RDM1: variants seen among roughly 807,000 people sequenced by gnomAD.
The protein encoded by RDM1 is RAD52 motif-containing protein 1.
In RDM1, 28 loss-of-function variants were observed where a neutral mutation model predicts 27.7. The observed-to-expected ratio is 1.01, with a 90% confidence interval of 0.75 to 1.39. The LOEUF (loss-of-function observed/expected upper bound fraction) is 1.39. Among genes scored for constraint, RDM1 ranks in the 40% most tolerant of loss-of-function variants. The probability of loss-of-function intolerance (pLI) is 0.00; values close to 1 mark genes in which losing one functional copy is unlikely to be tolerated. For missense variants in RDM1, 277 were observed against 337.3 expected, an observed-to-expected ratio of 0.82 and a Z score of 1.40; for synonymous variants, 124 against 127.5, an observed-to-expected ratio of 0.97 and a Z score of 0.19.
At chr17:35,928,939 G>A (rs1263178834) in intron 2 of RDM1, among the ~76,000 whole-genome samples, 1 of 151,874 alleles carries the variant, frequency 6.6e-6, no homozygotes, top group Non-Finnish European at 1.5e-5. Flanking sequence ...GCCAGGTGTG[G>A]TGGCAGGCGC....
chr17:35,920,865 G>GA (rs920518566), intron 5 of RDM1, among the ~76,000 whole-genome samples: 46 of 152,284 alleles, frequency 3.0e-4, no homozygotes, highest in African/African-American at 9.6e-4. Context: ...AAAAAATGTG[G>GA]AAACCAAAAT....
At chr17:35,921,177 T>A (rs1429405607) in intron 5 of RDM1, among the ~76,000 whole-genome samples, 1 of 152,232 alleles carries the variant, frequency 6.6e-6, no homozygotes, top group Non-Finnish European at 1.5e-5. Context: ...TAAGAAGTTT[T>A]CAGTGTGTGC....
chr17:35,920,143 G>T (rs1286731840), intron 6 of RDM1, 44 bp downstream of exon 6: 1 of 920,744 alleles, frequency 1.1e-6, no homozygotes, highest in South Asian at 1.5e-5. Context: ...TTTGAATTAT[G>T]GTTACACTGG....
chr17:35,918,637 G>T (rs2088827646), intron 6 of RDM1, among the ~76,000 whole-genome samples, 194 bp from the exon 7 acceptor site: 1 of 152,110 alleles, frequency 6.6e-6, no homozygotes, highest in African/African-American at 2.4e-5. Flanking sequence ...TGGGAGGTGG[G>T]CAATTCAGTC....
chr17:35,919,753 G>A (rs2702949), intron 6 of RDM1, among the ~76,000 whole-genome samples: 5,054 of 152,222 alleles, frequency 0.033, 263 homozygotes, highest in African/African-American at 0.12. Flanking sequence ...CAAGATATAC[G>A]TGAGATATTG....
chr17:35,928,844 G>A (rs1367450680), intron 2 of RDM1, among the ~76,000 whole-genome samples: 1 of 152,056 alleles, frequency 6.6e-6, no homozygotes, highest in Non-Finnish European at 1.5e-5. Context: ...GGGAGGCTGA[G>A]GTGGGTGGAT....
intron 1 of RDM1, 165 bp downstream of exon 1, chr17:35,930,467 A>G: frequency 2.3e-6 from 2 of 882,020 alleles, no homozygotes; most frequent in Non-Finnish European, 1.7e-6. Flanking sequence ...CCGGGACTCT[A>G]AAAATCTGTT....
rs561124314 is a variant in RDM1 at position 35,930,502 on chromosome 17, A to G, written c.96+130T>C. The G allele has an allele frequency of 4.2e-6, 4 of 952,128 alleles. No individual in the cohort carries two copies. In the Admixed American group the frequency reaches 8.3e-5, roughly 20 times the overall value. 59.0% of individuals were successfully genotyped at this position (952,128 alleles called of 1,614,324 possible). A position where few individuals can be genotyped will look rare whatever the true frequency, so the allele number is the denominator to read the frequency against. ...TGGGGGTCGTCAGTTGTCAGTTGGGATCCCCTTTATAATTAAGAGTCCTTC... is the reference window on the plus strand; with the variant it reads ...TGGGGGTCGTCAGTTGTCAGTTGGGGTCCCCTTTATAATTAAGAGTCCTTC... On this transcript the variant is annotated intron_variant, in intron 1 of 6. Coordinates refer to ENST00000620284, the MANE Select transcript of RDM1 (RefSeq NM_145654.4).
chr17:35,918,259 T>C lies in RDM1; in HGVS notation c.*83A>G, dbSNP rs1324082352. 1 of 1,181,562 alleles carries C rather than the reference T, an allele frequency of 8.5e-7. No homozygotes were observed. Among genetic ancestry groups the C allele is most frequent in the Non-Finnish European group, 1.3e-6 (1 of 799,752 alleles). 73.2% of individuals were successfully genotyped at this position (1,181,562 alleles called of 1,614,324 possible). On this transcript the variant is annotated 3_prime_UTR_variant, in exon 7 of 7. Transcript: ENST00000620284. ...GTGGTTCCAGGACTCCAGCAGCCTA[T>C]AGTGGTGGGGCGGCGTGGGGTAGGG...
intron 6 of RDM1, among the ~76,000 whole-genome samples, chr17:35,919,923 C>A (rs2088878562): frequency 6.6e-6 from 1 of 152,170 alleles, no homozygotes; most frequent in Admixed American, 6.5e-5. Flanking sequence ...TCCCTAACTC[C>A]TGGGGGAAGA....
intron 2 of RDM1, 129 bp downstream of exon 2, chr17:35,929,947 G>T: frequency 1.1e-6 from 1 of 883,698 alleles, no homozygotes; most frequent in Non-Finnish European, 1.8e-6. Context: ...AAAACCCAGA[G>T]AACTGGAAGA....
In RDM1 at chr17:35,930,632, A is replaced by G. The variant is rs143347588; in HGVS notation, c.96T>C (p.His32=). Residue 32 remains histidine, a splice_region_variant and synonymous_variant, in exon 1 of 7, where the codon CAT becomes CAC. Coordinates refer to ENST00000620284, the MANE Select transcript of RDM1 (RefSeq NM_145654.4). ...LSSGPTAEAL[H]HSLFTAFSQF... Reference sequence around the variant, plus strand: ...TCCCTCCATCCTGGCCCCGGCTCACATGCAAAGCCTCGGCCGTGGGTCCGG... The same window carrying G: ...TCCCTCCATCCTGGCCCCGGCTCACGTGCAAAGCCTCGGCCGTGGGTCCGG... The G allele has an allele frequency of 1.9e-6, 3 of 1,612,522 alleles. No homozygotes were observed. The African/African-American group carries it at 4.0e-5, about 22-fold the overall frequency.
At chr17:35,922,398 T>C (rs1181378685) in intron 5 of RDM1, 179 bp downstream of exon 5, 6 of 741,744 alleles carry the variant, frequency 8.1e-6, no homozygotes, top group Non-Finnish European at 1.2e-5. Flanking sequence ...TTGCTGTCAT[T>C]TTTTTTCACA....
At chr17:35,927,180 C>T (rs920098226) in intron 2 of RDM1, among the ~76,000 whole-genome samples, 1 of 151,300 alleles carries the variant, frequency 6.6e-6, no homozygotes, top group African/African-American at 2.4e-5. Context: ...GTGGCTCACA[C>T]CTGTAATCCC....
At chr17:35,928,648 G>A (rs537728019) in intron 2 of RDM1, among the ~76,000 whole-genome samples, 1 of 152,054 alleles carries the variant, frequency 6.6e-6, no homozygotes, top group African/African-American at 2.4e-5. Context: ...TGTAATCCCT[G>A]CTACTTGGGA....
At position 35,918,353 on chromosome 17, in the gene RDM1, C is replaced by T; in HGVS notation, c.844G>A (p.Glu282Lys). 1 of 1,613,566 alleles carries T rather than the reference C, an allele frequency of 6.2e-7. No homozygotes were observed. The highest frequency in any genetic ancestry group is 2.2e-5 in the East Asian group (1 of 44,866). The change falls in exon 7 of 7, where the codon GAA (glutamate) becomes AAA (lysine). Residue 282 changes from glutamate to lysine, a missense_variant. Coordinates refer to ENST00000620284, the MANE Select transcript of RDM1 (RefSeq NM_145654.4). ...GATATTCAGAAATGCTAGTCAAGTTCTGGCAGCCTGAACTCTTCCTCCTCC... is the reference window on the plus strand; with the variant it reads ...GATATTCAGAAATGCTAGTCAAGTTTTGGCAGCCTGAACTCTTCCTCCTCC... ...SLEEEEFRLP[E>K]LD
Position 35,924,601 on chromosome 17 carries a change from G to C in RDM1, c.568+3C>G, listed in dbSNP as rs199831930. The stretch of plus-strand genomic sequence containing the variant: ...CCCTCCTCCACTCCCAGTGAAAACA[G>C]ACCTTCCTCCACCTTATCCATAGGC... On this transcript the variant is annotated splice_donor_region_variant and intron_variant, in intron 4 of 6. Transcript: ENST00000620284. The C allele has an allele frequency of 8.1e-6, 13 of 1,608,340 alleles. No individual in the cohort carries two copies. The African/African-American group carries it at 1.3e-4, about 17-fold the overall frequency.
At chr17:35,925,306 CAG>C (rs1158272791) in intron 3 of RDM1, among the ~76,000 whole-genome samples, 5 of 152,144 alleles carry the variant, frequency 3.3e-5, no homozygotes, top group African/African-American at 1.2e-4. Context: ...GCCACAAAAA[CAG>C]TGGAGAAAAT....
Position 35,929,549 on chromosome 17 carries a change from C to G in RDM1, c.276+527G>C, listed in dbSNP as rs148604920. On this transcript the variant is annotated intron_variant, in intron 2 of 6. Transcript: ENST00000620284. ...CTCCACCTCCTGGGTTCAAGTAATT[C>G]CCATGCTTCAGCCTCCCGAGTAGCT... is the stretch of plus-strand genomic sequence containing the variant. 4.4e-3 allele frequency among the ~76,000 whole-genome samples: 674 copies of G among 152,324 alleles called. 8 individuals are homozygous for G. Among genetic ancestry groups the G allele is most frequent in the African/African-American group, 0.014 (593 of 41,582 alleles).
Sources: allele counts gnomAD v4.1 joint callset (sites outside exome capture counted in the v4.1 genomes callset), GRCh38; gene constraint gnomAD v4.1.1; transcripts MANE v1.5; gene names NCBI Gene and HGNC (gene_info 2026-07-23, HGNC 2026-07-21).